MGMT: variants seen among roughly 807,000 people sequenced by gnomAD.
MGMT encodes methylated-DNA--protein-cysteine methyltransferase.
Under a neutral mutation model 15.9 loss-of-function variants are expected in MGMT, and 14 were observed. The ratio of observed to expected loss-of-function variants is 0.88; its 90% CI spans 0.58 to 1.37. The LOEUF (loss-of-function observed/expected upper bound fraction) is 1.37. Among genes scored for constraint, MGMT ranks in the 40% most tolerant of loss-of-function variants. MGMT has a pLI of 0.00. For missense variants in MGMT, 282 were observed against 268.1 expected (o/e 1.05, Z -0.36); for synonymous variants, 130 against 118.2 (o/e 1.10, Z -0.65).
At chr10:129,597,859 A>C (rs538080115) in intron 2 of MGMT, among the ~76,000 whole-genome samples, 1 of 152,344 alleles carries the variant, frequency 6.6e-6, no homozygotes, top group East Asian at 1.9e-4. Context: ...CAAAGACTGA[A>C]TAATGATGTG....
At position 129,645,397 on chromosome 10, in the gene MGMT, C is replaced by A. The variant is rs542417661; in HGVS notation, c.126-62498C>A. Among the ~76,000 whole-genome samples the A allele has an allele frequency of 2.3e-3, 354 of 152,284 alleles. 1 individual carries two copies. Among genetic ancestry groups the A allele is most frequent in the African/African-American group, 8.0e-3 (334 of 41,572 alleles). On this transcript the variant is annotated intron_variant, in intron 2 of 4. Coordinates refer to ENST00000651593, the MANE Select transcript of MGMT (RefSeq NM_002412.5). ...TCAGCCTCCCAAAGTGCTGGGATTA[C>A]AGGCATGAACCACTGTACCTGGCCA...
At position 129,556,372 on chromosome 10, in the gene MGMT, G is replaced by T. The variant is rs1177709682; in HGVS notation, c.125+19995G>T. ...TGACCGGTGTCCCCATGAGATGGAG[G>T]TTGTGGCACAGACACACGGAGGGAT... On this transcript the variant is annotated intron_variant, in intron 2 of 4. Transcript: ENST00000651593. This position sits in a 1 kb window ranked among gnomAD's most constrained non-coding sequence, Gnocchi z 4.3. Among the ~76,000 whole-genome samples, 1 of 152,180 alleles carries T rather than the reference G, an allele frequency of 6.6e-6. No homozygotes were observed. Among genetic ancestry groups the T allele is most frequent in the African/African-American group, 2.4e-5 (1 of 41,438 alleles).
At chr10:129,496,747 G>T (rs1201743290) in intron 1 of MGMT, among the ~76,000 whole-genome samples, 4 of 152,152 alleles carry the variant, frequency 2.6e-5, no homozygotes, top group Admixed American at 2.0e-4. Flanking sequence ...CCAGCATTTG[G>T]TGTTGTTTTA....
chr10:129,758,681 T>C (rs1848834753), intron 3 of MGMT, among the ~76,000 whole-genome samples: 1 of 152,218 alleles, frequency 6.6e-6, no homozygotes, highest in Non-Finnish European at 1.5e-5. Context: ...CTGCGTACTG[T>C]GGTGCTTGGC....
In MGMT at chr10:129,766,681, C is replaced by T. The variant is rs545573048; in HGVS notation, c.415-107C>T. On this transcript the variant is annotated intron_variant, in intron 4 of 4. Coordinates refer to ENST00000651593, the MANE Select transcript of MGMT (RefSeq NM_002412.5). Reference sequence around the variant, plus strand: ...CAACAGCCTGCCCCTGGCACAGGCCCCTGCTTGGTGGGCACAGGACTCCTG... The same window carrying T: ...CAACAGCCTGCCCCTGGCACAGGCCTCTGCTTGGTGGGCACAGGACTCCTG... The T allele has an allele frequency of 1.9e-5, 19 of 1,026,194 alleles. No individual in the cohort carries two copies. In the East Asian group the frequency reaches 4.0e-4, roughly 21 times the overall value. The allele number at this position is 1,026,194 out of a possible 1,614,324, so 63.6% of individuals were successfully genotyped here. A position where few individuals can be genotyped will look rare whatever the true frequency, so the allele number is the denominator to read the frequency against.
At chr10:129,742,028 G>T (rs1183948208) in intron 3 of MGMT, among the ~76,000 whole-genome samples, 1 of 152,212 alleles carries the variant, frequency 6.6e-6, no homozygotes. Context: ...TTTGGGGGAA[G>T]GATAATGATT....
chr10:129,712,059 A>T (rs764002525), intron 3 of MGMT, among the ~76,000 whole-genome samples: 5 of 152,224 alleles, frequency 3.3e-5, no homozygotes, highest in Non-Finnish European at 7.3e-5. Flanking sequence ...TTTTACAATG[A>T]GTTCAAGAAA....
At chr10:129,568,677 T>C (rs1846383028) in intron 2 of MGMT, among the ~76,000 whole-genome samples, 1 of 152,136 alleles carries the variant, frequency 6.6e-6, no homozygotes, top group Admixed American at 6.5e-5. Flanking sequence ...CCTCTGGAGA[T>C]GATTTCATTG....
At position 129,671,385 on chromosome 10, in the gene MGMT, A is replaced by G. The variant is rs112184632; in HGVS notation, c.126-36510A>G. Among the ~76,000 whole-genome samples, 530 of 152,254 alleles carry G rather than the reference A, an allele frequency of 3.5e-3. 1 individual carries two copies. Among genetic ancestry groups the G allele is most frequent in the Non-Finnish European group, 6.0e-3 (407 of 68,010 alleles). ...TAATTAGAAGTTTATTTGATTATCT[A>G]GACCAGAGGTTGGTAAACTATGGCC... On this transcript the variant is annotated intron_variant, in intron 2 of 4. Coordinates refer to ENST00000651593, the MANE Select transcript of MGMT (RefSeq NM_002412.5).
At chr10:129,551,497 GC>G (rs537271975) in intron 2 of MGMT, among the ~76,000 whole-genome samples, 2 of 152,128 alleles carry the variant, frequency 1.3e-5, no homozygotes, top group East Asian at 3.9e-4. Flanking sequence ...CAGGAAGCAG[GC>G]CCCCCATGCT....
At chr10:129,630,855 A>G (rs1368000561) in intron 2 of MGMT, among the ~76,000 whole-genome samples, 1 of 152,266 alleles carries the variant, frequency 6.6e-6, no homozygotes, top group African/African-American at 2.4e-5. Context: ...AAACATGGCC[A>G]GGCTGCTTCC....
In MGMT at chr10:129,603,684, T is replaced by A. The variant is rs1846851674; in HGVS notation, c.125+67307T>A. Among the ~76,000 whole-genome samples the A allele has an allele frequency of 3.3e-5, 5 of 152,348 alleles. 1 individual carries two copies. The South Asian group carries it at 1.0e-3, about 32-fold the overall frequency. On this transcript the variant is annotated intron_variant, in intron 2 of 4. Coordinates refer to ENST00000651593, the MANE Select transcript of MGMT (RefSeq NM_002412.5). ...AAAGTTTCTAAAAGCAATTGCTAAT[T>A]TCAAATGCCTTTGTTGGCAAGAATA...
intron 2 of MGMT, among the ~76,000 whole-genome samples, chr10:129,638,461 A>AAAAAAAAAAAAAAG (rs1206037140): frequency 6.7e-6 from 1 of 149,814 alleles, no homozygotes; most frequent in Non-Finnish European, 1.5e-5. Flanking sequence ...AAAAAAGAAA[A>AAAAAAAAAAAAAAG]ATAACTGACG....
Position 129,659,028 on chromosome 10 carries a change from A to C in MGMT, c.126-48867A>C, listed in dbSNP as rs1847565039. Among the ~76,000 whole-genome samples, 1 of 152,258 alleles carries C rather than the reference A, an allele frequency of 6.6e-6. No homozygotes were observed. The highest frequency in any genetic ancestry group is 1.5e-5 in the Non-Finnish European group (1 of 68,026). On this transcript the variant is annotated intron_variant, in intron 2 of 4. Coordinates refer to ENST00000651593, the MANE Select transcript of MGMT (RefSeq NM_002412.5). The surrounding 1 kb of genome is among the most constrained non-coding windows in gnomAD (Gnocchi z 4.1). Reference sequence around the variant, plus strand: ...TTTGTGGCTGCAACAATAACAAAAAAAAATCCTTGGTTCTGATGACTTCAT... The same window carrying C: ...TTTGTGGCTGCAACAATAACAAAAACAAATCCTTGGTTCTGATGACTTCAT...
intron 2 of MGMT, among the ~76,000 whole-genome samples, chr10:129,596,503 A>C (rs1011632783): frequency 6.6e-6 from 1 of 152,094 alleles, no homozygotes; most frequent in Admixed American, 6.5e-5. Context: ...GGCAGATCTC[A>C]TGGGCATGAG....
rs1017992973 is a variant in MGMT at position 129,731,214 on chromosome 10, C to T, written c.274+23171C>T. On this transcript the variant is annotated intron_variant, in intron 3 of 4. Transcript: ENST00000651593. ...GACACAGAGCCCTGCCAGGCCCGGT[C>T]GGGCTCAGAGTGGGCTTAAATTAAC... Among the ~76,000 whole-genome samples the T allele has an allele frequency of 1.5e-3, 101 of 67,342 alleles. 1 individual carries two copies. Among genetic ancestry groups the T allele is most frequent in the Admixed American group, 5.7e-3 (33 of 5,788 alleles). The allele number at this position is 67,342 out of a possible 152,430, so 44.2% of individuals were successfully genotyped here. A position where few individuals can be genotyped will look rare whatever the true frequency, so the allele number is the denominator to read the frequency against.
Position 129,674,452 on chromosome 10 carries a change from G to T in MGMT, c.126-33443G>T, listed in dbSNP as rs1847761928. 2.0e-5 allele frequency among the ~76,000 whole-genome samples: 3 copies of T among 152,240 alleles called. No homozygotes were observed. The South Asian group carries it at 6.2e-4, about 32-fold the overall frequency. ...GCCCCTGCCCCTGAAGTGGCTCTAGGGACAGCTGTGGTTTGAGTGGACTCT... is the reference window on the plus strand; with the variant it reads ...GCCCCTGCCCCTGAAGTGGCTCTAGTGACAGCTGTGGTTTGAGTGGACTCT... On this transcript the variant is annotated intron_variant, in intron 2 of 4. Transcript: ENST00000651593.
At chr10:129,565,736 C>T (rs140691551) in intron 2 of MGMT, among the ~76,000 whole-genome samples, 4,943 of 152,170 alleles carry the variant, frequency 0.032, 130 homozygotes, top group South Asian at 0.065. Context: ...GGAAGAAGAC[C>T]CTGGCGCCCC....
At chr10:129,531,868 T>C in intron 1 of MGMT, among the ~76,000 whole-genome samples, 1 of 152,136 alleles carries the variant, frequency 6.6e-6, no homozygotes, top group East Asian at 1.9e-4. Flanking sequence ...ATTTTGATCC[T>C]ATTTAGGTTG....
Sources: allele counts gnomAD v4.1 joint callset (sites outside exome capture counted in the v4.1 genomes callset), GRCh38; gene constraint gnomAD v4.1.1; non-coding constraint Gnocchi (gnomAD v3.1); transcripts MANE v1.5; gene names NCBI Gene and HGNC (gene_info 2026-07-23, HGNC 2026-07-21).